Variants in KLHL29 observed in about 807,000 individuals in gnomAD.
KLHL29 encodes kelch like family member 29.
KLHL29 carries 21 observed loss-of-function variants against 80.4 expected under a neutral mutation model. The observed-to-expected ratio is 0.26, with a 90% confidence interval of 0.19 to 0.38. The LOEUF (loss-of-function observed/expected upper bound fraction) is 0.38, where lower values mean the gene tolerates loss of function less well. Among genes scored for constraint, KLHL29 ranks in the 10% least tolerant of loss-of-function variants. The pLI, the probability that KLHL29 is intolerant of heterozygous loss-of-function variation, is 1.00. For missense variants in KLHL29, 867 were observed against 1,223.9 expected (o/e 0.71, Z 4.35); for synonymous variants, 511 against 526.8 (o/e 0.97, Z 0.41).
chr2:23,643,262 T>C (rs1307106264), intron 5 of KLHL29: 1 of 367,370 alleles, frequency 2.7e-6, no homozygotes, highest in East Asian at 6.9e-5. Flanking sequence ...ATTCCATCCA[T>C]GAGGACATTC....
chr2:23,392,849 A>C (rs1185211315), intron 1 of KLHL29, among the ~76,000 whole-genome samples: 1 of 152,216 alleles, frequency 6.6e-6, no homozygotes, highest in Admixed American at 6.5e-5. Flanking sequence ...ACTAATTAAC[A>C]TTTTATGTAA....
chr2:23,490,178 T>A (rs1665055400), intron 2 of KLHL29, among the ~76,000 whole-genome samples: 1 of 152,218 alleles, frequency 6.6e-6, no homozygotes, highest in Non-Finnish European at 1.5e-5. Context: ...CTTGTTTTTG[T>A]GCCTTTTTAC....
intron 2 of KLHL29, among the ~76,000 whole-genome samples, chr2:23,502,710 G>C (rs1277152685): frequency 6.6e-6 from 1 of 152,260 alleles, no homozygotes; most frequent in Non-Finnish European, 1.5e-5. Context: ...GATCTCTTTA[G>C]ATGCAGTGTG....
At chr2:23,447,763 T>A (rs1371998064) in intron 1 of KLHL29, among the ~76,000 whole-genome samples, 1 of 152,228 alleles carries the variant, frequency 6.6e-6, no homozygotes, top group East Asian at 1.9e-4. Flanking sequence ...CAGCCTAAAC[T>A]GACATGAGGC....
rs77106559 is a variant in KLHL29, at chr2:23,698,738, C to T, written c.2105+2225C>T. ...GGTTACTGGATAAATGATAGCAGAACGCCTCACTCGGCAGGGTCATTTGCA... is the reference window on the plus strand; with the variant it reads ...GGTTACTGGATAAATGATAGCAGAATGCCTCACTCGGCAGGGTCATTTGCA... On this transcript the variant is annotated intron_variant, in intron 11 of 13. Transcript: ENST00000486442. 7.2e-5 allele frequency among the ~76,000 whole-genome samples: 11 copies of T among 152,212 alleles called. No individual in the cohort carries two copies. The East Asian group carries it at 1.5e-3, about 21-fold the overall frequency.
chr2:23,693,549 C>T (rs781576629), intron 8 of KLHL29, 21 bp downstream of exon 8: 34 of 1,537,326 alleles, frequency 2.2e-5, no homozygotes, highest in African/African-American at 2.7e-5. Context: ...CCCTGTCCCC[C>T]GCCCCTTCTC....
At chr2:23,530,818 C>A (rs1230985009) in intron 2 of KLHL29, among the ~76,000 whole-genome samples, 1 of 151,850 alleles carries the variant, frequency 6.6e-6, no homozygotes, top group Non-Finnish European at 1.5e-5. Flanking sequence ...GCTTCTGAAT[C>A]TGCTCAGGAG....
chr2:23,464,599 T>A (rs191142244), intron 1 of KLHL29, among the ~76,000 whole-genome samples: 1 of 152,296 alleles, frequency 6.6e-6, no homozygotes, highest in Non-Finnish European at 1.5e-5. Context: ...CAGATCCTCA[T>A]CTAGGTTCTG....
At chr2:23,541,372 G>A (rs1666830214) in intron 2 of KLHL29, among the ~76,000 whole-genome samples, 1 of 152,196 alleles carries the variant, frequency 6.6e-6, no homozygotes, top group African/African-American at 2.4e-5. Flanking sequence ...AGAACTCAAG[G>A]GGCTTCCTTC....
intron 2 of KLHL29, among the ~76,000 whole-genome samples, chr2:23,489,212 C>T (rs995853032): frequency 6.6e-6 from 1 of 152,150 alleles, no homozygotes; most frequent in Non-Finnish European, 1.5e-5. Flanking sequence ...TTGGAAGGTG[C>T]CCTCCTGTTC....
chr2:23,475,381 C>T (rs1272299587), intron 1 of KLHL29, among the ~76,000 whole-genome samples, 179 bp from the exon 2 acceptor site: 1 of 92,970 alleles, frequency 1.1e-5, no homozygotes, highest in South Asian at 4.3e-4. Context: ...GTGAGATAAT[C>T]CACAGTATGC....
intron 5 of KLHL29, among the ~76,000 whole-genome samples, chr2:23,676,040 G>A (rs1670910877): frequency 6.6e-6 from 1 of 152,206 alleles, no homozygotes; most frequent in East Asian, 1.9e-4. Flanking sequence ...AATTAGAAAG[G>A]AGACAGACAG....
intron 2 of KLHL29, among the ~76,000 whole-genome samples, chr2:23,552,761 C>CTTGTTTTTTTTTTTTTTTTTTTTTTT (rs1667160655): frequency 1.0e-5 from 1 of 95,576 alleles, no homozygotes; most frequent in Non-Finnish European, 1.9e-5. Flanking sequence ...GGTTTCTTTT[C>CTTGTTTTTTTTTTTTTTTTTTTTTTT]TTTTTTTTTT....
chr2:23,390,402 C>G (rs150452207), intron 1 of KLHL29, among the ~76,000 whole-genome samples: 1 of 152,090 alleles, frequency 6.6e-6, no homozygotes, highest in Non-Finnish European at 1.5e-5. Context: ...TGCGCAAAGA[C>G]GACAGCCGCT....
chr2:23,538,211 A>G (rs1425351927), intron 2 of KLHL29, among the ~76,000 whole-genome samples: 2 of 152,212 alleles, frequency 1.3e-5, no homozygotes, highest in African/African-American at 4.8e-5. Flanking sequence ...CAGAAATAGA[A>G]TTATGAACCA....
chr2:23,412,840 C>T (rs1216859484), intron 1 of KLHL29, among the ~76,000 whole-genome samples: 2 of 152,108 alleles, frequency 1.3e-5, no homozygotes, highest in Non-Finnish European at 2.9e-5. Context: ...CAGGTGTCGG[C>T]CTTGGAGGGA....
intron 3 of KLHL29, among the ~76,000 whole-genome samples, chr2:23,567,571 G>A (rs1035699169): frequency 1.3e-5 from 2 of 152,174 alleles, no homozygotes; most frequent in African/African-American, 2.4e-5. Flanking sequence ...TTCCCCATGC[G>A]CTCCAGCTTC....
chr2:23,411,609 C>T (rs181978031), intron 1 of KLHL29, among the ~76,000 whole-genome samples: 5 of 152,202 alleles, frequency 3.3e-5, no homozygotes, highest in Non-Finnish European at 7.4e-5. Flanking sequence ...TCAGCCTCAT[C>T]CATTCCCGCT....
chr2:23,525,651 T>A (rs2103473484), intron 2 of KLHL29, among the ~76,000 whole-genome samples: 1 of 151,922 alleles, frequency 6.6e-6, no homozygotes, highest in Middle Eastern at 3.4e-3. Flanking sequence ...GGTTTTGCCC[T>A]GCCTGGGAAG....
Sources: allele counts gnomAD v4.1 joint callset (sites outside exome capture counted in the v4.1 genomes callset), GRCh38; gene constraint gnomAD v4.1.1; transcripts MANE v1.5; gene names NCBI Gene and HGNC (gene_info 2026-07-23, HGNC 2026-07-21).